The following ARB2A variants were observed in gnomAD, a reference collection of about 807,000 sequenced individuals.
The protein encoded by ARB2A is ARB2 cotranscriptional regulator A.
the ARB2A span, among the ~76,000 whole-genome samples, chr5:93,974,276 G>C: frequency 2.0e-5 from 3 of 152,106 alleles, no homozygotes; most frequent in Admixed American, 6.5e-5. Context: ...TCTTTCTATA[G>C]AGAAAGATCT....
the ARB2A span, among the ~76,000 whole-genome samples, chr5:93,706,290 C>A: frequency 1.3e-5 from 2 of 152,112 alleles, no homozygotes; most frequent in Admixed American, 6.5e-5. Context: ...AAGAAGCCAG[C>A]CACAAAAAGC....
the ARB2A span, among the ~76,000 whole-genome samples, chr5:94,057,909 T>C: frequency 7.9e-5 from 12 of 152,022 alleles, no homozygotes; most frequent in Non-Finnish European, 1.8e-4. Context: ...TAATCCAAGG[T>C]GGCTGGATTT....
At chr5:93,732,510 AG>A in the ARB2A span, among the ~76,000 whole-genome samples, 1 of 152,120 alleles carries the variant, frequency 6.6e-6, no homozygotes, top group Admixed American at 6.6e-5. Context: ...CATGTTGTGC[AG>A]AAAAACAGAC....
chr5:93,771,859 G>T, the ARB2A span, among the ~76,000 whole-genome samples: 1 of 152,330 alleles, frequency 6.6e-6, no homozygotes. Context: ...CTGTTGTTGG[G>T]ACTGTAAACT....
chr5:94,050,939 C>T, the ARB2A span: 2 of 766,904 alleles, frequency 2.6e-6, no homozygotes, highest in Non-Finnish European at 4.0e-6. Context: ...TTTCTCAGAA[C>T]AGTTTATCTT....
the ARB2A span, among the ~76,000 whole-genome samples, chr5:94,043,849 C>T: frequency 1.7e-4 from 26 of 152,108 alleles, no homozygotes; most frequent in Non-Finnish European, 3.4e-4. Context: ...TTTTTAAAGC[C>T]TAAGTGAAAA....
the ARB2A span, among the ~76,000 whole-genome samples, chr5:94,041,500 A>G: frequency 6.6e-6 from 1 of 152,112 alleles, no homozygotes; most frequent in Admixed American, 6.6e-5. Flanking sequence ...TTTATATATG[A>G]AAGAGCTTAA....
At chr5:93,928,785 A>G in the ARB2A span, among the ~76,000 whole-genome samples, 1 of 152,136 alleles carries the variant, frequency 6.6e-6, no homozygotes, top group Non-Finnish European at 1.5e-5. Context: ...CCAAATTTAG[A>G]TAAGGGAGTT....
chr5:93,856,091 T>C, the ARB2A span, among the ~76,000 whole-genome samples: 2 of 152,268 alleles, frequency 1.3e-5, no homozygotes, highest in African/African-American at 2.4e-5. Flanking sequence ...AATGTATAAC[T>C]AGAATAACCA....
chr5:93,637,324 T>C, the ARB2A span, among the ~76,000 whole-genome samples: 1 of 151,616 alleles, frequency 6.6e-6, no homozygotes, highest in African/African-American at 2.4e-5. Context: ...CCATAACCAT[T>C]CTCCTGTTGA....
chr5:93,836,270 G>A, the ARB2A span, among the ~76,000 whole-genome samples: 14 of 151,976 alleles, frequency 9.2e-5, no homozygotes, highest in East Asian at 3.9e-4. Context: ...CTCATGATCC[G>A]CCCACCTCGG....
chr5:93,636,364 C>A, the ARB2A span, among the ~76,000 whole-genome samples: 37 of 152,216 alleles, frequency 2.4e-4, no homozygotes, highest in Non-Finnish European at 4.1e-4. Context: ...TATGTTGAAA[C>A]CTAATCTCTA....
chr5:93,697,013 G>T, the ARB2A span, among the ~76,000 whole-genome samples: 2 of 137,890 alleles, frequency 1.5e-5, no homozygotes, highest in Non-Finnish European at 3.0e-5. Flanking sequence ...AGTGAGTCGA[G>T]ATTGCACCAC....
the ARB2A span, among the ~76,000 whole-genome samples, chr5:93,855,138 G>A: frequency 1.3e-5 from 2 of 152,074 alleles, no homozygotes; most frequent in South Asian, 2.1e-4. Context: ...GAATCTGGGT[G>A]CTCCTGTATT....
At chr5:94,107,752 A>T in the ARB2A span, among the ~76,000 whole-genome samples, 10 of 152,288 alleles carry the variant, frequency 6.6e-5, no homozygotes, top group East Asian at 1.9e-3. Flanking sequence ...ATAGAACTGT[A>T]TACAGTGCAC....
At chr5:93,695,269 A>C in the ARB2A span, among the ~76,000 whole-genome samples, 1 of 152,214 alleles carries the variant, frequency 6.6e-6, no homozygotes, top group Non-Finnish European at 1.5e-5. Context: ...AGAATGGGAG[A>C]AAATTTTTGC....
the ARB2A span, among the ~76,000 whole-genome samples, chr5:94,080,687 G>A: frequency 2.0e-5 from 3 of 152,120 alleles, no homozygotes; most frequent in African/African-American, 7.2e-5. Context: ...TGAAGGCCCA[G>A]CCATTTCAGC....
the ARB2A span, among the ~76,000 whole-genome samples, chr5:93,968,626 A>G: frequency 6.6e-6 from 1 of 152,100 alleles, no homozygotes; most frequent in Non-Finnish European, 1.5e-5. Flanking sequence ...AGGAGAAGAG[A>G]GAAGAAACAG....
the ARB2A span, among the ~76,000 whole-genome samples, chr5:93,944,072 A>C: frequency 6.6e-6 from 1 of 152,036 alleles, no homozygotes; most frequent in African/African-American, 2.4e-5. Flanking sequence ...AAATCCTAAA[A>C]TTTTCTAGTG....
Sources: gnomAD v4.1 joint callset for allele counts (sites outside exome capture counted in the v4.1 genomes callset) on GRCh38, gnomAD v4.1.1 for gene constraint, MANE v1.5 for transcripts, NCBI Gene and HGNC (gene_info 2026-07-23, HGNC 2026-07-21) for gene names.